The following VIT variants were observed in gnomAD, a reference collection of about 807,000 sequenced individuals.
The protein encoded by VIT is vitrin.
In VIT, 99 loss-of-function variants were observed where a neutral mutation model predicts 78.0. That is an observed-to-expected ratio of 1.27 (90% CI 1.08 to 1.50). The LOEUF is 1.50. Among genes scored for constraint, VIT ranks in the 40% most tolerant of loss-of-function variants. The pLI is 0.00. For missense variants in VIT, 1,126 were observed against 875.3 expected (o/e 1.29, Z -3.61); for synonymous variants, 374 against 334.3 (o/e 1.12, Z -1.29).
At chr2:36,813,703 A>C (rs1299597790) in intron 15 of VIT, among the ~76,000 whole-genome samples, 1 of 152,154 alleles carries the variant, frequency 6.6e-6, no homozygotes, top group East Asian at 1.9e-4. Flanking sequence ...TTTAGTTTAA[A>C]AGATCTTGAA....
At chr2:36,697,790 A>T (rs36031300) in intron 1 of VIT, among the ~76,000 whole-genome samples, 1 of 152,170 alleles carries the variant, frequency 6.6e-6, no homozygotes, top group African/African-American at 2.4e-5. Flanking sequence ...GGAATTAAAA[A>T]TTTTCTTTGG....
chr2:36,701,923 G>A (rs559773406), intron 1 of VIT, among the ~76,000 whole-genome samples: 19 of 152,310 alleles, frequency 1.2e-4, no homozygotes, highest in African/African-American at 4.6e-4. Context: ...CCAATCCCAT[G>A]TTCTTGGGAA....
chr2:36,697,035 G>A (rs1328403438), intron 1 of VIT, 62 bp downstream of exon 1: 3 of 152,086 alleles, frequency 2.0e-5, no homozygotes, highest in Non-Finnish European at 4.4e-5. Context: ...TCATTGAAAC[G>A]TATTTGTCTT....
intron 1 of VIT, among the ~76,000 whole-genome samples, chr2:36,703,871 T>G (rs939456938): frequency 6.6e-6 from 1 of 152,014 alleles, no homozygotes; most frequent in African/African-American, 2.4e-5. Context: ...ATATTTATTC[T>G]GTAAGCTTGG....
chr2:36,791,780 C>T (rs531897087), intron 12 of VIT, among the ~76,000 whole-genome samples: 1 of 152,216 alleles, frequency 6.6e-6, no homozygotes, highest in Non-Finnish European at 1.5e-5. Flanking sequence ...TTGGTTTCAG[C>T]CATGGAGACC....
intron 6 of VIT, among the ~76,000 whole-genome samples, chr2:36,761,466 C>T (rs772497812): frequency 6.6e-6 from 1 of 151,912 alleles, no homozygotes; most frequent in African/African-American, 2.4e-5. Context: ...TGTGGCCGGG[C>T]GCAGTGGCTC....
intron 2 of VIT, among the ~76,000 whole-genome samples, chr2:36,727,537 G>T (rs1666929968): frequency 6.6e-6 from 1 of 152,224 alleles, no homozygotes; most frequent in South Asian, 2.1e-4. Context: ...ATGGAGATTT[G>T]TCAGGTTGGT....
chr2:36,792,857 CTTAT>C (rs1418843851), intron 12 of VIT, among the ~76,000 whole-genome samples: 8 of 152,088 alleles, frequency 5.3e-5, no homozygotes, highest in Admixed American at 5.2e-4. Flanking sequence ...CTCTAGACTT[CTTAT>C]TTATTTTCCT....
intron 14 of VIT, among the ~76,000 whole-genome samples, chr2:36,807,852 GA>G (rs1302576644): frequency 8.5e-5 from 13 of 152,182 alleles, no homozygotes; most frequent in African/African-American, 3.1e-4. Context: ...GGGACTCAGG[GA>G]AGTCCCCTCA....
Position 36,787,135 on chromosome 2 carries a change from A to C in VIT, c.917A>C (p.Lys306Thr), listed in dbSNP as rs1431225225. The C allele has an allele frequency of 3.9e-5, 63 of 1,614,202 alleles. No homozygotes were observed. The highest frequency in any genetic ancestry group is 5.3e-5 in the Non-Finnish European group (63 of 1,180,038). Reference protein sequence around the residue: ...EPVSLGDPNCKIDLSFLIDGS... With the variant: ...EPVSLGDPNCTIDLSFLIDGS... ...GTCTTTTTCCGTTCCGCAGACTGCA[A>C]AATTGACTTGTCGTTTTTAATTGAT... The change falls in exon 12 of 16, where the codon AAA becomes ACA. Residue 306 changes from lysine to threonine, a missense_variant. Transcript: ENST00000379242.
At chr2:36,775,909 T>G (rs1670019785) in intron 9 of VIT, among the ~76,000 whole-genome samples, 1 of 152,152 alleles carries the variant, frequency 6.6e-6, no homozygotes, top group South Asian at 2.1e-4. Flanking sequence ...GTAAGAACAT[T>G]TGGAGTTCTT....
intron 5 of VIT, among the ~76,000 whole-genome samples, chr2:36,757,803 C>G (rs967781842): frequency 6.6e-6 from 1 of 152,092 alleles, no homozygotes; most frequent in Admixed American, 6.5e-5. Flanking sequence ...TAAGCAGGGC[C>G]GTGTCATTAT....
chr2:36,732,535 CTTTTTTTTT>C (rs1558523522), intron 3 of VIT, among the ~76,000 whole-genome samples: 2 of 151,672 alleles, frequency 1.3e-5, no homozygotes, highest in African/African-American at 4.8e-5. Flanking sequence ...CATTTTCTTT[CTTTTTTTTT>C]CTATTCAACA....
intron 11 of VIT, among the ~76,000 whole-genome samples, chr2:36,786,219 A>T (rs1035181413): frequency 5.9e-5 from 9 of 152,004 alleles, no homozygotes; most frequent in Non-Finnish European, 8.8e-5. Context: ...TTGTCTTCTA[A>T]ATTGCAACTG....
chr2:36,808,715 A>G lies in VIT; in HGVS notation c.1633A>G (p.Thr545Ala), dbSNP rs1356662941. 2 of 1,614,208 alleles carry G rather than the reference A, an allele frequency of 1.2e-6. No individual in the cohort carries two copies. The highest frequency in any genetic ancestry group is 3.3e-5 in the Admixed American group (2 of 60,034). Residue 545 changes from threonine to alanine, a missense_variant, in exon 15 of 16, where the codon ACG becomes GCG. Coordinates refer to ENST00000379242, the MANE Select transcript of VIT (RefSeq NM_053276.4). ...CACCAAAGAGTTTGAGATTTCCGAC[A>G]CGGACACGCGCATCGGGGCCGTGCA... is the stretch of plus-strand genomic sequence containing the variant. ...NLTKEFEISD[T>A]DTRIGAVQYT...
chr2:36,748,171 C>A (rs901863378), intron 4 of VIT, among the ~76,000 whole-genome samples: 1 of 152,098 alleles, frequency 6.6e-6, no homozygotes, highest in African/African-American at 2.4e-5. Context: ...TCACTTTGAC[C>A]TTGGAGAATC....
chr2:36,725,814 G>T (rs1195138536), intron 2 of VIT, among the ~76,000 whole-genome samples: 6 of 152,138 alleles, frequency 3.9e-5, no homozygotes, highest in Admixed American at 3.9e-4. Flanking sequence ...GCTCACGCCT[G>T]TAATCCCAGC....
chr2:36,808,518 G>C lies in VIT; in HGVS notation c.1436G>C (p.Trp479Ser). The C allele has an allele frequency of 1.2e-6, 2 of 1,613,736 alleles. No individual in the cohort carries two copies. Among genetic ancestry groups the C allele is most frequent in the Non-Finnish European group, 1.7e-6 (2 of 1,179,802 alleles). ...NGFYSLHVQSWFGLHKTLQPL... is the reference protein window; with the variant it reads ...NGFYSLHVQSSFGLHKTLQPL... ...TTCTACTCGCTCCACGTGCAGAGCT[G>C]GTTTGGCCTCCACAAGACCCTGCAG... Residue 479 changes from tryptophan to serine, a missense_variant, in exon 15 of 16, where the codon TGG (tryptophan) becomes TCG (serine). Transcript: ENST00000379242.
intron 6 of VIT, among the ~76,000 whole-genome samples, chr2:36,761,154 G>C (rs1305199975): frequency 6.6e-6 from 1 of 152,200 alleles, no homozygotes; most frequent in Non-Finnish European, 1.5e-5. Flanking sequence ...CAGAAAGATT[G>C]GTTGGAAATA....
Sources: allele counts gnomAD v4.1 joint callset (sites outside exome capture counted in the v4.1 genomes callset), GRCh38; gene constraint gnomAD v4.1.1; transcripts MANE v1.5; gene names NCBI Gene and HGNC (gene_info 2026-07-23, HGNC 2026-07-21).